The following DMD variants were observed in gnomAD, a reference collection of about 807,000 sequenced individuals.
DMD encodes the protein dystrophin, also known as mutant dystrophin.
In DMD, 63 loss-of-function variants were observed where a neutral mutation model predicts 330.1. That is an observed-to-expected ratio of 0.19 (90% confidence interval 0.16 to 0.24). The LOEUF (loss-of-function observed/expected upper bound fraction) is 0.24, where lower values mean the gene tolerates loss of function less well. DMD is among the 10% of genes least tolerant of loss of function. The pLI is 1.00. For synonymous variants in DMD, 1,223 were observed against 959.8 expected (o/e 1.27, Z -5.07); for missense variants, 3,344 against 2,684.1 (o/e 1.25, Z -5.43).
chrX:31,862,871 C>T (rs781369299), intron 48 of DMD, among the ~76,000 whole-genome samples: 1 of 112,503 alleles, frequency 8.9e-6, no homozygotes, highest in Non-Finnish European at 1.9e-5. Flanking sequence ...AGGAAGAGAG[C>T]CGGCCAGAAG....
At chrX:32,375,638 C>T (rs1050825688) in intron 34 of DMD, among the ~76,000 whole-genome samples, 4 of 111,514 alleles carry the variant, frequency 3.6e-5, no homozygotes, top group African/African-American at 9.8e-5. Context: ...TGTTCATATC[C>T]CACCCAATTC....
intron 44 of DMD, among the ~76,000 whole-genome samples, chrX:32,080,451 T>C (rs2096383497): frequency 8.9e-6 from 1 of 112,748 alleles, no homozygotes; most frequent in African/African-American, 3.2e-5. Context: ...TAAATAAAGT[T>C]ATGTAAATAC....
chrX:31,860,539 G>A (rs183037990), intron 48 of DMD, among the ~76,000 whole-genome samples: 1 of 112,303 alleles, frequency 8.9e-6, no homozygotes, highest in East Asian at 2.8e-4. Flanking sequence ...TCTTGATGCA[G>A]ATAAATTACA....
At chrX:32,869,574 GA>G (rs34803900) in intron 2 of DMD, among the ~76,000 whole-genome samples, 40,039 of 107,162 alleles carry the variant, frequency 0.37, 5,845 homozygotes, top group Admixed American at 0.41. Flanking sequence ...CAAGGGAGCT[GA>G]AAAAACACAA....
intron 1 of DMD, among the ~76,000 whole-genome samples, chrX:33,288,668 C>A (rs1224760972): frequency 9.0e-6 from 1 of 111,266 alleles, no homozygotes; most frequent in East Asian, 2.8e-4. Context: ...CTATCATTTC[C>A]CTAAGTTCGC....
chrX:32,357,840 C>T (rs1052320491), intron 37 of DMD, among the ~76,000 whole-genome samples: 5 of 111,023 alleles, frequency 4.5e-5, no homozygotes, highest in Non-Finnish European at 7.5e-5. Flanking sequence ...ATGCCCTCTA[C>T]TCTGAAAACT....
intron 6 of DMD, among the ~76,000 whole-genome samples, chrX:32,815,548 T>C (rs2077696215): frequency 1.0e-5 from 1 of 96,144 alleles, no homozygotes; most frequent in African/African-American, 4.5e-5. Context: ...TATATATACA[T>C]ATATAGAGTA....
intron 52 of DMD, among the ~76,000 whole-genome samples, chrX:31,716,854 CACATAT>C (rs768170347): frequency 2.8e-3 from 257 of 92,680 alleles, no homozygotes; most frequent in Middle Eastern, 0.022. Flanking sequence ...CACACACACA[CACATAT>C]ATATATATAT....
At chrX:32,793,500 A>G (rs1269566315) in intron 7 of DMD, among the ~76,000 whole-genome samples, 1 of 110,259 alleles carries the variant, frequency 9.1e-6, no homozygotes, top group Non-Finnish European at 1.9e-5. Flanking sequence ...GAGAAGTTTG[A>G]TTTTTAAAAA....
intron 54 of DMD, among the ~76,000 whole-genome samples, chrX:31,630,995 C>G (rs937009450): frequency 9.0e-6 from 1 of 111,283 alleles, no homozygotes; most frequent in Admixed American, 9.6e-5. Flanking sequence ...TTCATAAGAG[C>G]ACTGTGTACC....
Position 31,496,833 on chromosome X carries a change from A to G in DMD, c.8502T>C (p.Ile2834=), listed in dbSNP as rs1002021681. 5 of 1,210,946 alleles carry G rather than the reference A, an allele frequency of 4.1e-6. No individual in the cohort carries two copies. In the Admixed American group the frequency reaches 6.5e-5, roughly 16 times the overall value. Residue 2834 remains isoleucine, a synonymous_variant, in exon 57 of 79, where the codon ATT becomes ATC. Coordinates refer to ENST00000357033, the MANE Select transcript of DMD (RefSeq NM_004006.3). ...KDDELSRQAP[I]GGDFPAVQKQ... ...TCTGAACTGCTGGAAAGTCGCCTCCAATAGGTGCCTGCCGGCTTAATTCAT... is the reference window on the plus strand; with the variant it reads ...TCTGAACTGCTGGAAAGTCGCCTCCGATAGGTGCCTGCCGGCTTAATTCAT...
At chrX:33,072,149 G>A (rs1329512708) in intron 1 of DMD, among the ~76,000 whole-genome samples, 1 of 112,315 alleles carries the variant, frequency 8.9e-6, no homozygotes, top group African/African-American at 3.2e-5. Context: ...CCAGCGCGGT[G>A]GCTCACGCCT....
chrX:31,346,017 A>G (rs1025349551), intron 61 of DMD, among the ~76,000 whole-genome samples: 5 of 111,409 alleles, frequency 4.5e-5, no homozygotes, highest in African/African-American at 1.6e-4. Context: ...ACTTTAAAGT[A>G]TTTGTGAGCG....
chrX:33,284,502 C>G (rs2053397552), intron 1 of DMD, among the ~76,000 whole-genome samples: 1 of 109,431 alleles, frequency 9.1e-6, no homozygotes, highest in South Asian at 4.0e-4. Context: ...TGAGCCTCTT[C>G]TACTTTTTAT....
intron 44 of DMD, among the ~76,000 whole-genome samples, chrX:32,094,974 T>A (rs755738154): frequency 3.5e-4 from 39 of 111,453 alleles, no homozygotes; most frequent in Non-Finnish European, 6.0e-4. Context: ...GTGTAATTTG[T>A]ACCTTGCATG....
intron 32 of DMD, among the ~76,000 whole-genome samples, chrX:32,388,094 T>C (rs2097972176): frequency 9.0e-6 from 1 of 111,544 alleles, no homozygotes; most frequent in Admixed American, 9.6e-5. Context: ...ATGAAAGAAC[T>C]GCTTCAATTG....
chrX:32,056,431 T>C (rs1272490359), intron 44 of DMD, among the ~76,000 whole-genome samples: 1 of 80,341 alleles, frequency 1.2e-5, no homozygotes, highest in African/African-American at 4.6e-5. Flanking sequence ...ATAAGTAAAA[T>C]CAGAAATGAA....
intron 1 of DMD, among the ~76,000 whole-genome samples, chrX:33,295,739 T>C (rs1344488517): frequency 9.0e-6 from 1 of 111,246 alleles, no homozygotes; most frequent in Non-Finnish European, 1.9e-5. Context: ...CAGACCCACA[T>C]CTACCATTAT....
At chrX:31,216,475 C>T (rs1426581292) in intron 64 of DMD, among the ~76,000 whole-genome samples, 1 of 112,292 alleles carries the variant, frequency 8.9e-6, no homozygotes, top group East Asian at 2.8e-4. Flanking sequence ...GTCCTCAAGA[C>T]GTCTTAAACT....
Sources: allele counts gnomAD v4.1 joint callset (sites outside exome capture counted in the v4.1 genomes callset), GRCh38; gene constraint gnomAD v4.1.1; transcripts MANE v1.5; gene names NCBI Gene and HGNC (gene_info 2026-07-23, HGNC 2026-07-21).